The following RAI1 variants were observed in gnomAD, a reference collection of about 807,000 sequenced individuals.
RAI1 encodes the protein retinoic acid-induced protein 1.
Under a neutral mutation model 123.8 loss-of-function variants are expected in RAI1, and 9 were observed. The observed-to-expected ratio is 0.07, with a 90% CI of 0.04 to 0.13. RAI1 has a LOEUF of 0.13. Among genes scored for constraint, RAI1 ranks in the 10% least tolerant of loss-of-function variants. The pLI, the probability that RAI1 is intolerant of heterozygous loss-of-function variation, is 1.00. For missense variants in RAI1, 2,256 were observed against 2,545.8 expected, an observed-to-expected ratio of 0.89 and a Z score of 2.45; for synonymous variants, 1,231 against 1,127.3, an observed-to-expected ratio of 1.09 and a Z score of -1.84.
chr17:17,719,494 C>G (rs1395989180), intron 1 of RAI1, among the ~76,000 whole-genome samples: 2 of 152,318 alleles, frequency 1.3e-5, no homozygotes, highest in East Asian at 3.9e-4. Context: ...CTCAAATGCT[C>G]TTAAGTATGA....
rs774955084 is a variant in RAI1 at position 17,793,033 on chromosome 17, A to T, written c.85A>T (p.Asn29Tyr). 29 of 1,614,038 alleles carry T rather than the reference A, an allele frequency of 1.8e-5. No homozygotes were observed. In the South Asian group the frequency reaches 3.2e-4, roughly 18 times the overall value. ...CTCGCAGGAAACATCACGCCTAGAG[A>T]ATTACAGGCAGCCGAGTCAGGCCGG... Reference protein sequence around the residue: ...QTSQETSRLENYRQPSQAGLS... With the variant: ...QTSQETSRLEYYRQPSQAGLS... The change falls in exon 3 of 6, where the codon AAT becomes TAT. Residue 29 changes from asparagine to tyrosine, a missense_variant. By Grantham distance (143) the Asn-to-Tyr change is moderately radical. Coordinates refer to ENST00000353383, the MANE Select transcript of RAI1 (RefSeq NM_030665.4).
At position 17,799,444 on chromosome 17, in the gene RAI1, C is replaced by T. The variant is rs570760462; in HGVS notation, c.5565+931C>T. 1.7e-3 allele frequency among the ~76,000 whole-genome samples: 266 copies of T among 152,220 alleles called. No individual in the cohort carries two copies. The highest frequency in any genetic ancestry group is 4.7e-4 in the Non-Finnish European group (32 of 68,002). ...CTTCTGAGGGAGGGGTCAGTGGGGGCGGTGGGGTGCACCTCTCCCCCGGGG... is the reference window on the plus strand; with the variant it reads ...CTTCTGAGGGAGGGGTCAGTGGGGGTGGTGGGGTGCACCTCTCCCCCGGGG... On this transcript the variant is annotated intron_variant, in intron 3 of 5. Transcript: ENST00000353383. The surrounding 1 kb of genome is among the most constrained non-coding windows in gnomAD (Gnocchi z 4.5).
At chr17:17,762,674 A>G (rs2030753145) in intron 2 of RAI1, among the ~76,000 whole-genome samples, 1 of 152,150 alleles carries the variant, frequency 6.6e-6, no homozygotes, top group African/African-American at 2.4e-5. Flanking sequence ...GTTTGATCCC[A>G]GTCATTTCTG....
At chr17:17,798,604 A>G in intron 3 of RAI1, 91 bp downstream of exon 3, 4 of 1,552,902 alleles carry the variant, frequency 2.6e-6, no homozygotes, top group East Asian at 2.4e-5. Context: ...CTAGTGCTAC[A>G]GTGTGGGCCA....
Position 17,796,120 on chromosome 17 carries a change from C to A in RAI1, c.3172C>A (p.Arg1058Ser). 6.3e-7 allele frequency: 1 copy of A among 1,583,542 alleles called. No individual in the cohort carries two copies. ...GGAAGGGCTCCCCAGGATGTGTACT[C>A]GTTCTCTCACGGCCCTGAGTGAGCC... ...ASEGLPRMCT[R>S]SLTALSEPRT... The change falls in exon 3 of 6, where the codon CGT (arginine) becomes AGT (serine). Residue 1058 changes from arginine to serine, a missense_variant. Around this residue, in one of 7 missense-constraint regions of RAI1, gnomAD observed 566 missense variants for 616.0 expected, o/e 0.92. Coordinates refer to ENST00000353383, the MANE Select transcript of RAI1 (RefSeq NM_030665.4). The surrounding 1 kb of genome is among the most constrained non-coding windows in gnomAD (Gnocchi z 5.8).
chr17:17,766,700 GACAGGCAGGCGC>G (rs2030946521), intron 2 of RAI1, among the ~76,000 whole-genome samples: 1 of 152,244 alleles, frequency 6.6e-6, no homozygotes, highest in African/African-American at 2.4e-5. Flanking sequence ...TGCTGGGGAT[GACAGGCAGGCGC>G]ACAGGCGGCG....
chr17:17,796,672 C>G lies in RAI1; in HGVS notation c.3724C>G (p.Arg1242Gly). The G allele has an allele frequency of 6.2e-7, 1 of 1,612,590 alleles. No homozygotes were observed. The highest frequency in any genetic ancestry group is 8.5e-7 in the Non-Finnish European group (1 of 1,179,536). ...CACCAAGAAGCGGAACCTGGTCTTG[C>G]GGAGCCGCAGCAGCAGCAGCAGCAA... ...VPTKKRNLVL[R>G]SRSSSSSNAS... The change falls in exon 3 of 6, where the codon CGG becomes GGG. Residue 1242 changes from arginine (R) to glycine (G), a missense_variant. By Grantham distance (125) the Arg-to-Gly change is moderately radical. Transcript: ENST00000353383. This position sits in a 1 kb window ranked among gnomAD's most constrained non-coding sequence, Gnocchi z 5.8.
At chr17:17,732,919 C>T (rs1916314998) in intron 2 of RAI1, among the ~76,000 whole-genome samples, 1 of 152,206 alleles carries the variant, frequency 6.6e-6, no homozygotes, top group Non-Finnish European at 1.5e-5. Flanking sequence ...CTGGCAATGC[C>T]CCCAGGTGGG....
At chr17:17,746,265 T>C (rs915923331) in intron 2 of RAI1, among the ~76,000 whole-genome samples, 2 of 152,220 alleles carry the variant, frequency 1.3e-5, no homozygotes, top group Non-Finnish European at 2.9e-5. Flanking sequence ...ATGAAAGACC[T>C]TGTCACAAAG....
chr17:17,803,200 G>A lies in RAI1; in HGVS notation c.5566-556G>A, dbSNP rs1598098476. On this transcript the variant is annotated intron_variant, in intron 3 of 5. Coordinates refer to ENST00000353383, the MANE Select transcript of RAI1 (RefSeq NM_030665.4). ...GTAGCCACAGCCATGGTAGTAACTG[G>A]CATCACTGGCCCAAGGGGGTCTCCC... Among the ~76,000 whole-genome samples the A allele has an allele frequency of 2.6e-5, 4 of 151,956 alleles. No individual in the cohort carries two copies. The South Asian group carries it at 8.3e-4, about 32-fold the overall frequency.
intron 4 of RAI1, among the ~76,000 whole-genome samples, chr17:17,808,652 G>A (rs1036199929): frequency 2.0e-5 from 3 of 151,978 alleles, no homozygotes; most frequent in Non-Finnish European, 4.4e-5. Flanking sequence ...TTGCCATGTT[G>A]CCCAGGCTGG....
At position 17,759,614 on chromosome 17, in the gene RAI1, C is replaced by A. The variant is rs151127316; in HGVS notation, c.-16-33319C>A. On this transcript the variant is annotated intron_variant, in intron 2 of 5. Transcript: ENST00000353383. ...AGTGACCTGCTTTTCGCCCTTCATA[C>A]GCTGGAATAGTTCCCCATGTCTGCA... Among the ~76,000 whole-genome samples, 23 of 152,234 alleles carry A rather than the reference C, an allele frequency of 1.5e-4. 2 individuals are homozygous for A. The East Asian group carries it at 3.7e-3, about 24-fold the overall frequency.
chr17:17,810,888 G>T lies in RAI1; in HGVS notation c.*907G>T. ...GAGCAGGGACAGCGCTAGATTTCGTGTACAAAACCTGTGTACCCCTCTATA... is the reference window on the plus strand; with the variant it reads ...GAGCAGGGACAGCGCTAGATTTCGTTTACAAAACCTGTGTACCCCTCTATA... On this transcript the variant is annotated 3_prime_UTR_variant, in exon 6 of 6. Coordinates refer to ENST00000353383, the MANE Select transcript of RAI1 (RefSeq NM_030665.4). The surrounding 1 kb of genome is among the most constrained non-coding windows in gnomAD (Gnocchi z 4.6). 2.3e-6 allele frequency: 1 copy of T among 429,812 alleles called. No individual in the cohort carries two copies. Among genetic ancestry groups the T allele is most frequent in the Non-Finnish European group, 4.8e-6 (1 of 207,696 alleles). 26.6% of individuals were successfully genotyped at this position (429,812 alleles called of 1,614,324 possible). A position where few individuals can be genotyped will look rare whatever the true frequency, so the allele number is the denominator to read the frequency against.
chr17:17,717,674 C>A lies in RAI1; in HGVS notation c.-148-6354C>A, dbSNP rs528096653. On this transcript the variant is annotated intron_variant, in intron 1 of 5. Transcript: ENST00000353383. ...TTCCCCCAGCCAGCCTCCTGCCCCC[C>A]ACCTGGGCCCTCTGAACCCCAGGGC... Among the ~76,000 whole-genome samples, 7 of 152,198 alleles carry A rather than the reference C, an allele frequency of 4.6e-5. No individual in the cohort carries two copies. The East Asian group carries it at 7.7e-4, about 17-fold the overall frequency.
intron 2 of RAI1, among the ~76,000 whole-genome samples, chr17:17,739,627 AC>A (rs1166836739): frequency 1.3e-5 from 2 of 152,148 alleles, no homozygotes; most frequent in African/African-American, 4.8e-5. Flanking sequence ...CCGCATCCCC[AC>A]CACACATTCC....
intron 2 of RAI1, among the ~76,000 whole-genome samples, chr17:17,753,931 A>G (rs1374253273): frequency 6.6e-6 from 1 of 152,208 alleles, no homozygotes. Context: ...GTGCTTGTCC[A>G]CACACACTTC....
chr17:17,703,073 C>T (rs1915281490), intron 1 of RAI1, among the ~76,000 whole-genome samples: 1 of 152,168 alleles, frequency 6.6e-6, no homozygotes, highest in Non-Finnish European at 1.5e-5. Flanking sequence ...ATGATTGGGG[C>T]AGTAAGCAGT....
chr17:17,745,940 G>A (rs964168305), intron 2 of RAI1, among the ~76,000 whole-genome samples: 1 of 152,184 alleles, frequency 6.6e-6, no homozygotes, highest in African/African-American at 2.4e-5. Flanking sequence ...CATGAGTGGG[G>A]AGCCGAGCCA....
chr17:17,700,393 G>T (rs149181824), intron 1 of RAI1, among the ~76,000 whole-genome samples: 2,120 of 151,794 alleles, frequency 0.014, 51 homozygotes, highest in African/African-American at 0.048. Context: ...CTCCCGGCTC[G>T]GGGCTCCAGC....
Sources: allele counts gnomAD v4.1 joint callset (sites outside exome capture counted in the v4.1 genomes callset), GRCh38; gene constraint gnomAD v4.1.1; regional missense constraint gnomAD v4.1.1; non-coding constraint Gnocchi (gnomAD v3.1); transcripts MANE v1.5; gene names NCBI Gene and HGNC (gene_info 2026-07-23, HGNC 2026-07-21).